GALNT13: variants seen among roughly 807,000 people sequenced by gnomAD.
The protein encoded by GALNT13 is polypeptide N-acetylgalactosaminyltransferase 13.
Under a neutral mutation model 64.2 loss-of-function variants are expected in GALNT13, and 28 were observed. The observed-to-expected ratio is 0.44, with a 90% CI of 0.32 to 0.60. The LOEUF is 0.60. GALNT13 is among the 20% of genes least tolerant of loss of function. The probability of loss-of-function intolerance (pLI) is 0.05; values close to 1 mark genes in which losing one functional copy is unlikely to be tolerated. For synonymous variants in GALNT13, 214 were observed against 224.6 expected (o/e 0.95, Z 0.42); for missense variants, 577 against 669.8 (o/e 0.86, Z 1.53).
At chr2:153,135,227 T>C in the GALNT13 span, among the ~76,000 whole-genome samples, 1 of 152,126 alleles carries the variant, frequency 6.6e-6, no homozygotes, top group East Asian at 1.9e-4. Context: ...ACCAATCTTA[T>C]TGTATTAGGG....
At chr2:153,105,457 T>G in the GALNT13 span, among the ~76,000 whole-genome samples, 1 of 152,086 alleles carries the variant, frequency 6.6e-6, no homozygotes, top group Non-Finnish European at 1.5e-5. Flanking sequence ...CTTTGAAAAC[T>G]GGCACAAGAC....
chr2:153,172,478 AG>A, the GALNT13 span, among the ~76,000 whole-genome samples: 1 of 152,080 alleles, frequency 6.6e-6, no homozygotes, highest in East Asian at 1.9e-4. Context: ...GCCAACCCTA[AG>A]GGGATTTAAA....
the GALNT13 span, among the ~76,000 whole-genome samples, chr2:153,242,047 T>C: frequency 6.6e-6 from 1 of 152,092 alleles, no homozygotes; most frequent in South Asian, 2.1e-4. Flanking sequence ...AGGACAGCAA[T>C]TTGGGGGCTC....
At chr2:154,383,854 TA>T (rs1190641575) in intron 9 of GALNT13, among the ~76,000 whole-genome samples, 7 of 151,786 alleles carry the variant, frequency 4.6e-5, no homozygotes, top group African/African-American at 1.4e-4. Flanking sequence ...GTAGTAATTC[TA>T]AGACATAAAA....
the GALNT13 span, among the ~76,000 whole-genome samples, chr2:153,411,608 G>A: frequency 6.6e-6 from 1 of 152,302 alleles, no homozygotes; most frequent in South Asian, 2.1e-4. Context: ...AGTAGCATGA[G>A]ATGAAACTGG....
chr2:153,576,284 G>GC, the GALNT13 span, among the ~76,000 whole-genome samples: 1 of 152,012 alleles, frequency 6.6e-6, no homozygotes, highest in Admixed American at 6.6e-5. Context: ...TAGGTCGAGT[G>GC]CCCCCCATCC....
chr2:153,763,501 T>G, the GALNT13 span, among the ~76,000 whole-genome samples: 1 of 151,896 alleles, frequency 6.6e-6, no homozygotes, highest in Non-Finnish European at 1.5e-5. Context: ...TAAATGGGAG[T>G]TTCCCTGCCC....
At chr2:153,416,937 A>G in the GALNT13 span, among the ~76,000 whole-genome samples, 75 of 152,212 alleles carry the variant, frequency 4.9e-4, no homozygotes, top group Non-Finnish European at 1.0e-4. Flanking sequence ...GGGACCATGG[A>G]AGTGAAGGGC....
intron 4 of GALNT13, among the ~76,000 whole-genome samples, chr2:154,157,483 G>A (rs1004761972): frequency 6.6e-6 from 1 of 152,044 alleles, no homozygotes; most frequent in Non-Finnish European, 1.5e-5. Context: ...AAATAACTGG[G>A]ACTACAGAAT....
the GALNT13 span, among the ~76,000 whole-genome samples, chr2:153,339,590 A>T: frequency 6.6e-6 from 1 of 151,940 alleles, no homozygotes; most frequent in South Asian, 2.1e-4. Flanking sequence ...GATTGTTTTC[A>T]TTGCTGTATA....
chr2:153,718,833 G>T, the GALNT13 span, among the ~76,000 whole-genome samples: 1 of 152,100 alleles, frequency 6.6e-6, no homozygotes, highest in Admixed American at 6.6e-5. Context: ...AAATTAGAAG[G>T]CATTTTAGAA....
At chr2:153,278,608 G>A in the GALNT13 span, among the ~76,000 whole-genome samples, 44 of 151,968 alleles carry the variant, frequency 2.9e-4, no homozygotes, top group Non-Finnish European at 5.6e-4. Flanking sequence ...TTATTGAATA[G>A]GGATTCTTTT....
At position 153,941,646 on chromosome 2, in the gene GALNT13, A is replaced by G. The variant is rs183469282; in HGVS notation, c.-104-2748A>G. On this transcript the variant is annotated intron_variant, in intron 2 of 12. Transcript: ENST00000392825. ...TTGGTTAGTATTCTGTGTTTAAAGTACCATTTTTCTGCTCAGTTTTCTTCT... is the reference window on the plus strand; with the variant it reads ...TTGGTTAGTATTCTGTGTTTAAAGTGCCATTTTTCTGCTCAGTTTTCTTCT... 6.1e-4 allele frequency among the ~76,000 whole-genome samples: 93 copies of G among 152,286 alleles called. 2 individuals carry two copies. Among genetic ancestry groups the G allele is most frequent in the Admixed American group, 2.6e-3 (40 of 15,290 alleles).
the GALNT13 span, among the ~76,000 whole-genome samples, chr2:153,486,982 A>G: frequency 2.0e-5 from 3 of 152,308 alleles, no homozygotes; most frequent in African/African-American, 7.2e-5. Flanking sequence ...AAAAGTTGCA[A>G]TGTCTCCAGT....
the GALNT13 span, among the ~76,000 whole-genome samples, chr2:153,655,443 G>T: frequency 6.6e-6 from 1 of 152,020 alleles, no homozygotes; most frequent in Non-Finnish European, 1.5e-5. Context: ...ATTTATGGAG[G>T]TTTTTGGCAA....
chr2:153,759,870 T>C, the GALNT13 span, among the ~76,000 whole-genome samples: 1 of 152,104 alleles, frequency 6.6e-6, no homozygotes, highest in African/African-American at 2.4e-5. Flanking sequence ...GAGTTTGAGA[T>C]GGATTTATAT....
At chr2:153,499,506 C>A in the GALNT13 span, among the ~76,000 whole-genome samples, 2 of 152,176 alleles carry the variant, frequency 1.3e-5, no homozygotes, top group Non-Finnish European at 2.9e-5. Context: ...TGGGGACCTG[C>A]CCCTTTCCAC....
the GALNT13 span, among the ~76,000 whole-genome samples, chr2:153,322,491 T>C: frequency 5.9e-5 from 9 of 152,242 alleles, no homozygotes; most frequent in African/African-American, 2.2e-4. Flanking sequence ...ACATGTTTCT[T>C]ATTGGTAGAA....
At chr2:153,279,104 T>TTG in the GALNT13 span, among the ~76,000 whole-genome samples, 2 of 152,020 alleles carry the variant, frequency 1.3e-5, no homozygotes, top group Non-Finnish European at 2.9e-5. Flanking sequence ...AGGTATTTTT[T>TTG]TGTGTGTGTG....
Sources: allele counts gnomAD v4.1 joint callset (sites outside exome capture counted in the v4.1 genomes callset), GRCh38; gene constraint gnomAD v4.1.1; transcripts MANE v1.5; gene names NCBI Gene and HGNC (gene_info 2026-07-23, HGNC 2026-07-21).